The following LARGE1 variants were observed in gnomAD, a reference collection of about 807,000 sequenced individuals.
LARGE1 encodes LARGE xylosyl- and glucuronyltransferase 1.
A neutral mutation model predicts 87.6 loss-of-function variants in LARGE1; 43 were observed. The observed-to-expected ratio is 0.49, with a 90% CI of 0.38 to 0.63. The LOEUF (loss-of-function observed/expected upper bound fraction) is 0.63. Ranked by LOEUF, LARGE1 falls within the 30% of genes least tolerant of loss-of-function variation. LARGE1 has a pLI of 0.00. For synonymous variants in LARGE1, 434 were observed against 394.6 expected (o/e 1.10, Z -1.18); for missense variants, 802 against 1,000.2 (o/e 0.80, Z 2.67).
At chr22:33,525,665 T>G (rs1254133219) in intron 6 of LARGE1, among the ~76,000 whole-genome samples, 1 of 152,114 alleles carries the variant, frequency 6.6e-6, no homozygotes, top group Non-Finnish European at 1.5e-5. Context: ...GCATACTGGA[T>G]CCACTCATTA....
At chr22:33,074,201 G>A in the LARGE1 span, among the ~76,000 whole-genome samples, 1 of 151,954 alleles carries the variant, frequency 6.6e-6, no homozygotes, top group East Asian at 1.9e-4. Context: ...TTATGGCCAG[G>A]ATCACCTACT....
intron 1 of LARGE1, among the ~76,000 whole-genome samples, chr22:33,869,230 C>G (rs181292997): frequency 8.3e-4 from 127 of 152,220 alleles, no homozygotes; most frequent in Admixed American, 3.8e-3. Context: ...GTTGGCTACT[C>G]CCTGCTTGAT....
At chr22:33,173,039 C>T (rs1385625754) in intron 11 of LARGE1, among the ~76,000 whole-genome samples, 1 of 151,994 alleles carries the variant, frequency 6.6e-6, no homozygotes, top group East Asian at 1.9e-4. Context: ...AGAAGAGCAA[C>T]CCCAAGACAC....
chr22:33,278,868 C>T (rs1929877778), intron 13 of LARGE1, among the ~76,000 whole-genome samples: 1 of 152,162 alleles, frequency 6.6e-6, no homozygotes, highest in Admixed American at 6.6e-5. Context: ...TACAGGCACG[C>T]ATCACCACGC....
intron 1 of LARGE1, among the ~76,000 whole-genome samples, chr22:33,888,233 T>C (rs1312242266): frequency 1.3e-5 from 2 of 151,392 alleles, no homozygotes; most frequent in Non-Finnish European, 2.9e-5. Flanking sequence ...TAATTTTAGA[T>C]GACATCAAAA....
intron 3 of LARGE1, among the ~76,000 whole-genome samples, chr22:33,627,303 C>T (rs1012783086): frequency 1.3e-5 from 2 of 152,192 alleles, no homozygotes; most frequent in African/African-American, 2.4e-5. Context: ...AGGGCATCCC[C>T]GACGGGACAT....
At chr22:33,825,572 A>C (rs2062757934) in intron 1 of LARGE1, among the ~76,000 whole-genome samples, 2 of 152,058 alleles carry the variant, frequency 1.3e-5, no homozygotes, top group South Asian at 4.1e-4. Context: ...GCCCCTTCTA[A>C]AACTATCAGA....
intron 5 of LARGE1, among the ~76,000 whole-genome samples, chr22:33,567,358 A>G (rs909566284): frequency 4.6e-5 from 7 of 152,208 alleles, no homozygotes; most frequent in Admixed American, 3.9e-4. Context: ...ACTCAGTAAT[A>G]AGCTCCCGCC....
At chr22:33,176,342 G>A (rs961126646) in intron 11 of LARGE1, among the ~76,000 whole-genome samples, 29 of 152,212 alleles carry the variant, frequency 1.9e-4, no homozygotes, top group African/African-American at 7.0e-4. Flanking sequence ...CACAGCAAAA[G>A]AAACTATCAC....
the LARGE1 span, among the ~76,000 whole-genome samples, chr22:33,072,254 T>A: frequency 6.6e-6 from 1 of 152,128 alleles, no homozygotes; most frequent in Non-Finnish European, 1.5e-5. Flanking sequence ...ATTTTTGATG[T>A]GCAAATTAAA....
At chr22:33,285,198 T>C (rs940011104) in intron 12 of LARGE1, among the ~76,000 whole-genome samples, 1 of 152,104 alleles carries the variant, frequency 6.6e-6, no homozygotes, top group African/African-American at 2.4e-5. Context: ...ACACTGACCT[T>C]TGGGTCTCAG....
At chr22:33,308,847 A>T (rs1413708224) in intron 11 of LARGE1, among the ~76,000 whole-genome samples, 1 of 152,218 alleles carries the variant, frequency 6.6e-6, no homozygotes, top group African/African-American at 2.4e-5. Context: ...AGTTTGTGAA[A>T]CAGTAACATT....
At position 33,712,932 on chromosome 22, in the gene LARGE1, C is replaced by T. The variant is rs190319087; in HGVS notation, c.106+48439G>A. Among the ~76,000 whole-genome samples, 9 of 152,158 alleles carry T rather than the reference C, an allele frequency of 5.9e-5. No individual in the cohort carries two copies. In the South Asian group the frequency reaches 6.2e-4, roughly 11 times the overall value. On this transcript the variant is annotated intron_variant, in intron 2 of 14. Coordinates refer to ENST00000397394, the MANE Select transcript of LARGE1 (RefSeq NM_133642.5). ...GGTAAGTATTTGTCAACGGTGAGGA[C>T]GACAGCTACACTTTTAAAGGTACCT...
At chr22:33,335,427 A>T (rs1938323883) in intron 10 of LARGE1, among the ~76,000 whole-genome samples, 1 of 152,204 alleles carries the variant, frequency 6.6e-6, no homozygotes, top group Non-Finnish European at 1.5e-5. Flanking sequence ...CACAGAGAGC[A>T]GGGGCGCACT....
chr22:33,081,340 T>C, the LARGE1 span, among the ~76,000 whole-genome samples: 2 of 152,206 alleles, frequency 1.3e-5, no homozygotes, highest in Admixed American at 1.3e-4. Context: ...AGAAGATTCT[T>C]TGGATTAGGA....
intron 13 of LARGE1, among the ~76,000 whole-genome samples, chr22:33,281,408 A>G (rs1930419726): frequency 6.6e-6 from 1 of 151,950 alleles, no homozygotes. Context: ...AAAAAAATTC[A>G]GGACTCAATC....
intron 6 of LARGE1, among the ~76,000 whole-genome samples, chr22:33,465,098 T>G (rs2068552714): frequency 6.6e-6 from 1 of 152,258 alleles, no homozygotes; most frequent in Admixed American, 6.5e-5. Context: ...ATCAATCTAA[T>G]GTGACTTATT....
At chr22:33,172,537 G>A (rs1228674514) in intron 11 of LARGE1, among the ~76,000 whole-genome samples, 1 of 151,908 alleles carries the variant, frequency 6.6e-6, no homozygotes, top group Non-Finnish European at 1.5e-5. Flanking sequence ...AGCTTCCTGA[G>A]GCTTCCCCAA....
chr22:33,149,381 G>C, the LARGE1 span, among the ~76,000 whole-genome samples: 1 of 152,198 alleles, frequency 6.6e-6, no homozygotes, highest in East Asian at 1.9e-4. Context: ...AAAAGTTTTA[G>C]ATTTAATAAG....
Sources: allele counts gnomAD v4.1 joint callset (sites outside exome capture counted in the v4.1 genomes callset), GRCh38; gene constraint gnomAD v4.1.1; transcripts MANE v1.5; gene names NCBI Gene and HGNC (gene_info 2026-07-23, HGNC 2026-07-21).